The following HSPA12A variants were observed in gnomAD, a reference collection of about 807,000 sequenced individuals.
HSPA12A encodes heat shock protein family A (Hsp70) member 12A, also known as heat shock 70 kDa protein 12A.
HSPA12A carries 28 observed loss-of-function variants against 69.2 expected under a neutral mutation model. The ratio of observed to expected loss-of-function variants is 0.40; its 90% confidence interval spans 0.30 to 0.55. The LOEUF (loss-of-function observed/expected upper bound fraction) is 0.55. Ranked by LOEUF, HSPA12A falls within the 20% of genes least tolerant of loss-of-function variation. The pLI is 0.38. For missense variants in HSPA12A, 686 were observed against 900.7 expected (o/e 0.76, Z 3.05); for synonymous variants, 345 against 370.5 (o/e 0.93, Z 0.79).
At chr10:116,812,246 A>G (rs1432048064) in intron 2 of HSPA12A, among the ~76,000 whole-genome samples, 1 of 152,078 alleles carries the variant, frequency 6.6e-6, no homozygotes, top group Non-Finnish European at 1.5e-5. Context: ...TGAGGTCAGG[A>G]GTTTGAGACC....
At chr10:116,759,521 T>C (rs1379295818) in intron 2 of HSPA12A, among the ~76,000 whole-genome samples, 3 of 152,224 alleles carry the variant, frequency 2.0e-5, no homozygotes, top group Non-Finnish European at 2.9e-5. Flanking sequence ...TTGGTTTAAG[T>C]GGATCTGGGC....
At chr10:116,717,037 T>C (rs1210931624) in intron 1 of HSPA12A, among the ~76,000 whole-genome samples, 1 of 152,212 alleles carries the variant, frequency 6.6e-6, no homozygotes, top group Non-Finnish European at 1.5e-5. Context: ...AAACCTATCA[T>C]AGTCAGCACT....
chr10:116,822,820 ACT>A (rs1475358739), intron 2 of HSPA12A, among the ~76,000 whole-genome samples: 3 of 152,066 alleles, frequency 2.0e-5, no homozygotes, highest in African/African-American at 7.2e-5. Context: ...CATCCAAATC[ACT>A]CTCACTCCTA....
At chr10:116,691,394 A>G (rs993053630) in intron 6 of HSPA12A, among the ~76,000 whole-genome samples, 1 of 152,192 alleles carries the variant, frequency 6.6e-6, no homozygotes, top group East Asian at 1.9e-4. Context: ...TTTTGTAAAG[A>G]AAGTGTCACA....
At chr10:116,698,201 C>T (rs782044603) in intron 5 of HSPA12A, 5 of 155,322 alleles carry the variant, frequency 3.2e-5, no homozygotes, top group Non-Finnish European at 7.1e-5. Flanking sequence ...TTTGTGTGGA[C>T]AGCATGTGGA....
At chr10:116,785,574 C>T (rs1477616449) in intron 2 of HSPA12A, among the ~76,000 whole-genome samples, 1 of 152,152 alleles carries the variant, frequency 6.6e-6, no homozygotes, top group Admixed American at 6.5e-5. Flanking sequence ...TCAGCAGGTG[C>T]CCACTCATAA....
At chr10:116,816,103 A>G (rs1845297857) in intron 2 of HSPA12A, among the ~76,000 whole-genome samples, 1 of 152,070 alleles carries the variant, frequency 6.6e-6, no homozygotes, top group Non-Finnish European at 1.5e-5. Context: ...AAGGAAAGGA[A>G]CTCGCATGCT....
At chr10:116,714,574 G>T (rs1554883552) in intron 1 of HSPA12A, among the ~76,000 whole-genome samples, 2 of 152,118 alleles carry the variant, frequency 1.3e-5, no homozygotes, top group African/African-American at 4.8e-5. Flanking sequence ...CACTCACCCT[G>T]CAGTTAAAGC....
In HSPA12A at chr10:116,698,463, T is replaced by C. The variant is rs535611437; in HGVS notation, c.546+172A>G. The C allele has an allele frequency of 8.5e-6, 4 of 470,952 alleles. No homozygotes were observed. In the East Asian group the frequency reaches 1.2e-4, roughly 14 times the overall value. 29.2% of individuals were successfully genotyped at this position (470,952 alleles called of 1,614,324 possible). On this transcript the variant is annotated intron_variant, in intron 5 of 11. Coordinates refer to ENST00000369209, the MANE Select transcript of HSPA12A (RefSeq NM_025015.3). Reference sequence around the variant, plus strand: ...CCAAAGAGGCCGCACCATTTTACTTTCCCACCAGCAGCGTGTGAGGGTTCA... The same window carrying C: ...CCAAAGAGGCCGCACCATTTTACTTCCCCACCAGCAGCGTGTGAGGGTTCA...
chr10:116,726,891 C>A (rs182623671), intron 1 of HSPA12A, among the ~76,000 whole-genome samples: 25 of 152,352 alleles, frequency 1.6e-4, no homozygotes, highest in Non-Finnish European at 2.9e-4. Context: ...AACTAACGTG[C>A]CGATGACGGA....
chr10:116,793,820 A>T (rs1328476188), intron 2 of HSPA12A, among the ~76,000 whole-genome samples: 3 of 152,194 alleles, frequency 2.0e-5, no homozygotes, highest in African/African-American at 7.2e-5. Context: ...CGAAAATATA[A>T]TAAGAAAAGG....
intron 1 of HSPA12A, among the ~76,000 whole-genome samples, chr10:116,733,577 G>C (rs1403383271): frequency 2.0e-5 from 3 of 152,162 alleles, no homozygotes; most frequent in Admixed American, 6.5e-5. Context: ...GATGAAACAG[G>C]AGCTCCATCC....
intron 1 of HSPA12A, among the ~76,000 whole-genome samples, chr10:116,709,236 C>T (rs1850350819): frequency 6.6e-6 from 1 of 152,286 alleles, no homozygotes; most frequent in African/African-American, 2.4e-5. Context: ...CACTTGAGGT[C>T]AGGAGCTGAA....
chr10:116,715,312 A>T (rs1554883650), intron 1 of HSPA12A, among the ~76,000 whole-genome samples: 2 of 152,248 alleles, frequency 1.3e-5, no homozygotes, highest in African/African-American at 4.8e-5. Flanking sequence ...CATCAACTCC[A>T]GTAAATGCAG....
At chr10:116,757,126 A>G (rs1843867697) in intron 2 of HSPA12A, among the ~76,000 whole-genome samples, 1 of 152,130 alleles carries the variant, frequency 6.6e-6, no homozygotes, top group African/African-American at 2.4e-5. Context: ...AACTCTGACC[A>G]CTCTGGTGCT....
chr10:116,790,837 C>T (rs567480172), intron 2 of HSPA12A, among the ~76,000 whole-genome samples: 6 of 152,170 alleles, frequency 3.9e-5, no homozygotes, highest in African/African-American at 1.2e-4. Flanking sequence ...ACTACAGGAG[C>T]GCACCACCAC....
intron 2 of HSPA12A, among the ~76,000 whole-genome samples, chr10:116,810,848 T>C (rs1404294850): frequency 6.6e-6 from 1 of 152,150 alleles, no homozygotes; most frequent in Non-Finnish European, 1.5e-5. Context: ...AGACCCACGG[T>C]AATTTAGCCA....
intron 2 of HSPA12A, among the ~76,000 whole-genome samples, chr10:116,785,596 C>A (rs557450364): frequency 1.3e-5 from 2 of 152,294 alleles, no homozygotes; most frequent in African/African-American, 4.8e-5. Flanking sequence ...GCCCAGCTCA[C>A]TCCCCAGCCT....
chr10:116,777,707 C>T (rs1164431497), intron 2 of HSPA12A, among the ~76,000 whole-genome samples: 2 of 152,216 alleles, frequency 1.3e-5, no homozygotes, highest in Non-Finnish European at 2.9e-5. Context: ...AGATCAGATG[C>T]ACAAAAACAA....
Sources: allele counts gnomAD v4.1 joint callset (sites outside exome capture counted in the v4.1 genomes callset), GRCh38; gene constraint gnomAD v4.1.1; transcripts MANE v1.5; gene names NCBI Gene and HGNC (gene_info 2026-07-23, HGNC 2026-07-21).